TMEFF2: variants seen among roughly 807,000 people sequenced by gnomAD.
TMEFF2 encodes tomoregulin-2.
In TMEFF2, 28 loss-of-function variants were observed where a neutral mutation model predicts 53.8. The ratio of observed to expected loss-of-function variants is 0.52; its 90% CI spans 0.39 to 0.71. The LOEUF (loss-of-function observed/expected upper bound fraction) is 0.71. Among genes scored for constraint, TMEFF2 ranks in the 30% least tolerant of loss-of-function variants. The probability of loss-of-function intolerance (pLI) is 0.00; values close to 1 mark genes in which losing one functional copy is unlikely to be tolerated. For synonymous variants in TMEFF2, 162 were observed against 166.3 expected (o/e 0.97, Z 0.20); for missense variants, 353 against 455.2 (o/e 0.78, Z 2.04).
chr2:191,994,594 T>C (rs981603457), intron 7 of TMEFF2, among the ~76,000 whole-genome samples: 1 of 151,766 alleles, frequency 6.6e-6, no homozygotes, highest in African/African-American at 2.4e-5. Flanking sequence ...TATACACATA[T>C]ATATGAAAGA....
chr2:192,138,308 G>A (rs535866682), intron 4 of TMEFF2, among the ~76,000 whole-genome samples: 1 of 152,198 alleles, frequency 6.6e-6, no homozygotes, highest in African/African-American at 2.4e-5. Flanking sequence ...TGTGACATCG[G>A]TACAGATATC....
Position 192,128,942 on chromosome 2 carries a change from G to A in TMEFF2, c.439+50726C>T, listed in dbSNP as rs866022227. Among the ~76,000 whole-genome samples, 3 of 152,324 alleles carry A rather than the reference G, an allele frequency of 2.0e-5. No homozygotes were observed. The South Asian group carries it at 6.2e-4, about 32-fold the overall frequency. Reference sequence around the variant, plus strand: ...CTCTCCAGTGTGTGGCACATGTGGTGCCTTTTGTGTTACTTGTGCATCTGA... The same window carrying A: ...CTCTCCAGTGTGTGGCACATGTGGTACCTTTTGTGTTACTTGTGCATCTGA... On this transcript the variant is annotated intron_variant, in intron 4 of 9. Transcript: ENST00000272771.
intron 7 of TMEFF2, among the ~76,000 whole-genome samples, chr2:191,958,086 G>A (rs4632279): frequency 0.98 from 149,543 of 152,294 alleles, 73,486 homozygotes; most frequent in Middle Eastern, 1. Flanking sequence ...AAATGGAAGC[G>A]GGGCAGTTCA....
At chr2:191,995,488 G>C (rs1467966628) in intron 7 of TMEFF2, among the ~76,000 whole-genome samples, 1 of 151,942 alleles carries the variant, frequency 6.6e-6, no homozygotes, top group Admixed American at 6.6e-5. Context: ...AAGTTTGAGG[G>C]ATACGAGTCA....
chr2:192,169,339 G>T (rs1287822664), intron 4 of TMEFF2, among the ~76,000 whole-genome samples: 3 of 152,064 alleles, frequency 2.0e-5, no homozygotes, highest in South Asian at 4.1e-4. Context: ...CATTAGCAAA[G>T]CATGGAGGTA....
chr2:192,003,599 G>A (rs1686419176), intron 5 of TMEFF2, among the ~76,000 whole-genome samples: 1 of 152,068 alleles, frequency 6.6e-6, no homozygotes, highest in Admixed American at 6.6e-5. Flanking sequence ...ATTAAAACCT[G>A]GTTTTAGAAT....
chr2:192,021,179 A>G (rs1268301442), intron 5 of TMEFF2, among the ~76,000 whole-genome samples: 1 of 152,056 alleles, frequency 6.6e-6, no homozygotes, highest in African/African-American at 2.4e-5. Flanking sequence ...GGGGTTGAGG[A>G]CACTTACTTA....
At chr2:192,043,603 A>T (rs1028424019) in intron 5 of TMEFF2, 1 of 152,218 alleles carries the variant, frequency 6.6e-6, no homozygotes, top group Non-Finnish European at 1.5e-5. Flanking sequence ...GCTCAGTTCC[A>T]TCTCACAGTG....
chr2:191,961,325 A>G (rs1397849146), intron 7 of TMEFF2, among the ~76,000 whole-genome samples: 2 of 152,146 alleles, frequency 1.3e-5, no homozygotes, highest in Non-Finnish European at 2.9e-5. Flanking sequence ...TTGGTTTATT[A>G]TCTTTTCAAC....
chr2:192,014,133 C>T (rs1686695336), intron 5 of TMEFF2, among the ~76,000 whole-genome samples: 1 of 152,086 alleles, frequency 6.6e-6, no homozygotes, highest in South Asian at 2.1e-4. Context: ...AATGGAGTAC[C>T]TACCATGTAC....
At chr2:192,079,028 A>G (rs1668816446) in intron 4 of TMEFF2, among the ~76,000 whole-genome samples, 1 of 152,180 alleles carries the variant, frequency 6.6e-6, no homozygotes, top group African/African-American at 2.4e-5. Flanking sequence ...TCACATTAAG[A>G]AAAGAGCTTG....
At chr2:192,018,078 A>G (rs748315363) in intron 5 of TMEFF2, among the ~76,000 whole-genome samples, 1 of 152,136 alleles carries the variant, frequency 6.6e-6, no homozygotes, top group Non-Finnish European at 1.5e-5. Context: ...AGTCACAGCA[A>G]GAGATTGGAG....
At chr2:191,992,362 A>C (rs1240882366) in intron 7 of TMEFF2, among the ~76,000 whole-genome samples, 1 of 152,090 alleles carries the variant, frequency 6.6e-6, no homozygotes, top group Non-Finnish European at 1.5e-5. Flanking sequence ...GAATTAATTC[A>C]TTTTATAAAT....
At chr2:192,143,827 C>G (rs896060632) in intron 4 of TMEFF2, among the ~76,000 whole-genome samples, 1 of 152,132 alleles carries the variant, frequency 6.6e-6, no homozygotes, top group Non-Finnish European at 1.5e-5. Flanking sequence ...CCTATACTCT[C>G]TTCTCAGTGA....
chr2:192,037,318 A>AAAGAAAGAAAGAAAG (rs1687334977), intron 5 of TMEFF2, among the ~76,000 whole-genome samples: 2 of 134,026 alleles, frequency 1.5e-5, no homozygotes, highest in African/African-American at 6.2e-5. Context: ...AGAAAGAAAG[A>AAAGAAAGAAAGAAAG]AAGAAAGAAA....
chr2:192,062,973 T>TC (rs1029662945), intron 4 of TMEFF2, among the ~76,000 whole-genome samples: 24 of 142,932 alleles, frequency 1.7e-4, no homozygotes, highest in African/African-American at 5.9e-4. Context: ...GGAGTGTTTT[T>TC]TTTTTTTGTT....
At chr2:192,037,277 GAAAGAAAGAAA>G (rs1687325587) in intron 5 of TMEFF2, among the ~76,000 whole-genome samples, 1 of 95,754 alleles carries the variant, frequency 1.0e-5, no homozygotes, top group African/African-American at 5.6e-5. Flanking sequence ...CCAAAATAAA[GAAAGAAAGAAA>G]GAAAGAAAGA....
chr2:192,044,776 T>G (rs1687574179), intron 5 of TMEFF2, among the ~76,000 whole-genome samples: 1 of 152,168 alleles, frequency 6.6e-6, no homozygotes, highest in Non-Finnish European at 1.5e-5. Flanking sequence ...ATAACTACTC[T>G]CCTTTTGAGA....
At chr2:192,098,618 G>A (rs529683646) in intron 4 of TMEFF2, among the ~76,000 whole-genome samples, 12 of 152,266 alleles carry the variant, frequency 7.9e-5, no homozygotes, top group African/African-American at 2.4e-4. Flanking sequence ...TCTGCTGCTC[G>A]TCTCTCAATT....
Sources: gnomAD v4.1 joint callset for allele counts (sites outside exome capture counted in the v4.1 genomes callset) on GRCh38, gnomAD v4.1.1 for gene constraint, MANE v1.5 for transcripts, NCBI Gene and HGNC (gene_info 2026-07-23, HGNC 2026-07-21) for gene names.